Variants in BPIFC observed in about 807,000 individuals in gnomAD.
BPIFC encodes BPI fold containing family C, also known as BPI fold-containing family C protein.
A neutral mutation model predicts 57.6 loss-of-function variants in BPIFC; 60 were observed. The ratio of observed to expected loss-of-function variants is 1.04; its 90% CI spans 0.85 to 1.29. BPIFC has a LOEUF of 1.29. Ranked by LOEUF, BPIFC falls within the 50% of genes most tolerant of loss-of-function variation. The pLI is 0.00. For synonymous variants in BPIFC, 243 were observed against 224.5 expected, an observed-to-expected ratio of 1.08 and a Z score of -0.74; for missense variants, 581 against 600.5, an observed-to-expected ratio of 0.97 and a Z score of 0.34.
At chr22:32,422,101 T>TA (rs1247126394) in intron 13 of BPIFC, among the ~76,000 whole-genome samples, 1 of 152,180 alleles carries the variant, frequency 6.6e-6, no homozygotes, top group Non-Finnish European at 1.5e-5. Context: ...CTGGCTGTGT[T>TA]ACGATTTTCA....
chr22:32,458,172 C>A (rs1315639387), intron 2 of BPIFC, among the ~76,000 whole-genome samples: 4 of 152,012 alleles, frequency 2.6e-5, no homozygotes, highest in Non-Finnish European at 4.4e-5. Flanking sequence ...ATGGAATGAC[C>A]CTATGCCTCC....
In BPIFC at chr22:32,417,083, AC is replaced by A; in HGVS notation, c.1324+1del. On this transcript the variant is annotated splice_donor_variant, in intron 15 of 16. Coordinates refer to ENST00000300399, the MANE Select transcript of BPIFC (RefSeq NM_174932.3). LOFTEE classifies it high-confidence loss of function. ...TCACATTGTTTTCCAATAATCCCTT[AC>A]CATTGGCCAGTGGGAGGACTCCAAA... 6.3e-7 allele frequency: 1 copy of A among 1,591,536 alleles called. No individual in the cohort carries two copies.
At chr22:32,442,209 G>A (rs1934584146) in intron 8 of BPIFC, among the ~76,000 whole-genome samples, 1 of 152,228 alleles carries the variant, frequency 6.6e-6, no homozygotes, top group Non-Finnish European at 1.5e-5. Flanking sequence ...TGCTGGGGCA[G>A]AGAAAGGTAA....
chr22:32,436,378 AAGAG>A (rs1210875716), intron 9 of BPIFC, among the ~76,000 whole-genome samples: 2 of 34,770 alleles, frequency 5.8e-5, no homozygotes, highest in African/African-American at 1.3e-4. Context: ...GAGGAGGAGG[AAGAG>A]GAGGAGGAGG....
intron 13 of BPIFC, among the ~76,000 whole-genome samples, chr22:32,425,292 A>T (rs1380082186): frequency 6.6e-6 from 1 of 152,176 alleles, no homozygotes; most frequent in Non-Finnish European, 1.5e-5. Context: ...CATTTAATCT[A>T]CTGACATTTA....
intron 4 of BPIFC, 93 bp from the exon 5 acceptor site, chr22:32,447,433 T>C (rs772221755): frequency 9.0e-6 from 13 of 1,448,386 alleles, no homozygotes; most frequent in Non-Finnish European, 1.2e-5. Context: ...GCTCTTACCA[T>C]TGAGGCCATT....
At chr22:32,425,554 A>G (rs73170329) in intron 13 of BPIFC, among the ~76,000 whole-genome samples, 18,863 of 152,250 alleles carry the variant, frequency 0.12, 1,582 homozygotes, top group Non-Finnish European at 0.19. Context: ...GGCTGAGGCT[A>G]TCTCTAAATT....
At chr22:32,459,158 G>T (rs1201127130) in intron 2 of BPIFC, among the ~76,000 whole-genome samples, 1 of 152,198 alleles carries the variant, frequency 6.6e-6, no homozygotes, top group Non-Finnish European at 1.5e-5. Context: ...ACAGGTGGCA[G>T]GTACCACTGC....
intron 13 of BPIFC, among the ~76,000 whole-genome samples, chr22:32,423,577 GGTGT>G (rs369571670): frequency 0.034 from 4,935 of 143,212 alleles, 116 homozygotes; most frequent in Non-Finnish European, 0.048. Context: ...GTAGGGTGTG[GGTGT>G]GTGTGTGTGT....
intron 8 of BPIFC, among the ~76,000 whole-genome samples, chr22:32,438,937 C>T (rs543132106): frequency 1.3e-5 from 2 of 151,988 alleles, no homozygotes; most frequent in African/African-American, 2.4e-5. Context: ...TTCTTAGGCA[C>T]AGTGCTGCTA....
chr22:32,428,793 G>A (rs1254580916), intron 13 of BPIFC, among the ~76,000 whole-genome samples: 3 of 152,032 alleles, frequency 2.0e-5, no homozygotes, highest in Non-Finnish European at 2.9e-5. Flanking sequence ...CAGCTACTTG[G>A]CGGGCTGAGG....
At position 32,445,916 on chromosome 22, in the gene BPIFC, C is replaced by T. The variant is rs775081775; in HGVS notation, c.455G>A (p.Gly152Asp). The T allele has an allele frequency of 6.2e-7, 1 of 1,614,028 alleles. No individual in the cohort carries two copies. Among genetic ancestry groups the T allele is most frequent in the Non-Finnish European group, 8.5e-7 (1 of 1,179,994 alleles). ...GIIILTRNDFGHPTLKLQDCY... is the reference protein window; with the variant it reads ...GIIILTRNDFDHPTLKLQDCY... The stretch of plus-strand genomic sequence containing the variant: ...ATCTTGGAGCTTCAGGGTAGGATGA[C>T]CAAAGTCATTTCGGGTTAGGATAAT... Residue 152 changes from glycine (G) to aspartate (D), a missense_variant, in exon 6 of 17, where the codon GGT becomes GAT. Coordinates refer to ENST00000300399, the MANE Select transcript of BPIFC (RefSeq NM_174932.3).
chr22:32,457,450 C>T, intron 2 of BPIFC, 64 bp from the exon 3 acceptor site: 1 of 1,552,060 alleles, frequency 6.4e-7, no homozygotes, highest in Non-Finnish European at 8.7e-7. Context: ...TCAATTAAAT[C>T]CAACATTTCT....
rs1477330923 is a variant in BPIFC at position 32,434,216 on chromosome 22, TA to T, written c.925-445del. Among the ~76,000 whole-genome samples, 135 of 142,230 alleles carry T rather than the reference TA, an allele frequency of 9.5e-4. 2 individuals are homozygous for T. Among genetic ancestry groups the T allele is most frequent in the African/African-American group, 3.2e-3 (118 of 37,188 alleles). The allele number at this position is 142,230 out of a possible 152,430, so 93.3% of individuals were successfully genotyped here. ...TTCTTTATTTATGTATATTACAATC[TA>T]ATGTGTACATATTCTTTATTTATAT... On this transcript the variant is annotated intron_variant, in intron 10 of 16. Transcript: ENST00000300399.
At position 32,414,281 on chromosome 22, in the gene BPIFC, G is replaced by A. The variant is rs778600271; in HGVS notation, c.*22C>T. 4 of 1,612,248 alleles carry A rather than the reference G, an allele frequency of 2.5e-6. No homozygotes were observed. The South Asian group carries it at 4.4e-5, about 18-fold the overall frequency. ...TAGGATTAAGGACCATTTACTTCCT[G>A]GGGTGAATTGCAAACCGGCAATCAA... On this transcript the variant is annotated 3_prime_UTR_variant, in exon 17 of 17. Transcript: ENST00000300399.
chr22:32,459,361 T>C (rs1416575525), intron 2 of BPIFC, among the ~76,000 whole-genome samples: 1 of 152,028 alleles, frequency 6.6e-6, no homozygotes, highest in Non-Finnish European at 1.5e-5. Context: ...GGACCCCATC[T>C]CTACAAAAAA....
At chr22:32,453,193 G>C in intron 4 of BPIFC, 190 bp downstream of exon 4, 1 of 400,226 alleles carries the variant, frequency 2.5e-6, no homozygotes, top group South Asian at 5.9e-5. Flanking sequence ...ATGATGATTT[G>C]ATGGCTGGAA....
At chr22:32,453,326 C>T in intron 4 of BPIFC, 57 bp downstream of exon 4, 1 of 1,251,892 alleles carries the variant, frequency 8.0e-7, no homozygotes, top group Non-Finnish European at 1.1e-6. Flanking sequence ...CATAGAATTC[C>T]TCCACTGTTT....
chr22:32,427,186 T>C (rs925764294), intron 13 of BPIFC, among the ~76,000 whole-genome samples: 2 of 152,200 alleles, frequency 1.3e-5, no homozygotes, highest in East Asian at 3.9e-4. Context: ...TGTAAATTTA[T>C]CGGCTTAAAA....
Sources: allele counts gnomAD v4.1 joint callset (sites outside exome capture counted in the v4.1 genomes callset), GRCh38; gene constraint gnomAD v4.1.1; transcripts MANE v1.5; gene names NCBI Gene and HGNC (gene_info 2026-07-23, HGNC 2026-07-21).